ZNF275: variants seen among roughly 807,000 people sequenced by gnomAD.
The protein encoded by ZNF275 is zinc finger protein 275.
A neutral mutation model predicts 4.3 loss-of-function variants in ZNF275; 4 were observed. The ratio of observed to expected loss-of-function variants is 0.93; its 90% CI spans 0.46 to 2.13. The LOEUF is 2.13. Among genes scored for constraint, ZNF275 ranks in the 30% most tolerant of loss-of-function variants. The pLI is 0.02. For synonymous variants in ZNF275, 173 were observed against 166.9 expected, an observed-to-expected ratio of 1.04 and a Z score of -0.28; for missense variants, 352 against 397.1, an observed-to-expected ratio of 0.89 and a Z score of 0.97.
chrX:153,345,191 G>A lies in ZNF275; in HGVS notation c.32-329G>A, dbSNP rs782460361. The A allele has an allele frequency of 9.9e-4, 198 of 200,932 alleles. 1 individual carries two copies. Among genetic ancestry groups the A allele is most frequent in the African/African-American group, 5.3e-3 (183 of 34,359 alleles). The allele number at this position is 200,932 out of a possible 1,213,427, so 16.6% of individuals were successfully genotyped here. A position where few individuals can be genotyped will look rare whatever the true frequency, so the allele number is the denominator to read the frequency against. ...TTGGGAGTCAGATTTGGGAGCTGTCGAAGTCCACGTGTCTGGGAAGAGCAT... is the reference window on the plus strand; with the variant it reads ...TTGGGAGTCAGATTTGGGAGCTGTCAAAGTCCACGTGTCTGGGAAGAGCAT... On this transcript the variant is annotated intron_variant, in intron 2 of 3. Coordinates refer to ENST00000650114, the MANE Select transcript of ZNF275 (RefSeq NM_001367757.1).
rs146649739 is a variant in ZNF275 at position 153,338,023 on chromosome X, G to A, written c.31+1313G>A. On this transcript the variant is annotated intron_variant, in intron 2 of 3. Transcript: ENST00000650114. Reference sequence around the variant, plus strand: ...TGCATTACAATGATTTTCATGTTCTGTCTGGAATTCCTTCGACCTTGATTC... The same window carrying A: ...TGCATTACAATGATTTTCATGTTCTATCTGGAATTCCTTCGACCTTGATTC... 7.3e-3 allele frequency among the ~76,000 whole-genome samples: 816 copies of A among 111,228 alleles called. 10 individuals carry two copies. The highest frequency in any genetic ancestry group is 0.026 in the African/African-American group (787 of 30,501).
At chrX:153,343,705 G>A (rs782180672) in intron 2 of ZNF275, among the ~76,000 whole-genome samples, 2 of 111,117 alleles carry the variant, frequency 1.8e-5, no homozygotes, top group East Asian at 2.8e-4. Context: ...ATCTTCATCC[G>A]GTTTTTTGTT....
rs782422942 is a variant in ZNF275, at chrX:153,349,291, C to CTGACAT, written c.*1318_*1319insACATTG. ...GTACACACTCAGTGAAGGCCATCTG[C>CTGACAT]TGTCATTGTCATTGTCATAGTTATT... is the stretch of plus-strand genomic sequence containing the variant. On this transcript the variant is annotated 3_prime_UTR_variant, in exon 4 of 4. Transcript: ENST00000650114. 2.4e-5 allele frequency: 3 copies of CTGACAT among 124,163 alleles called. No homozygotes were observed. The Admixed American group carries it at 2.8e-4, about 12-fold the overall frequency. The allele number at this position is 124,163 out of a possible 1,213,427, so 10.2% of individuals were successfully genotyped here. A position where few individuals can be genotyped will look rare whatever the true frequency, so the allele number is the denominator to read the frequency against.
At chrX:153,335,080 C>T (rs2088436623) in intron 1 of ZNF275, among the ~76,000 whole-genome samples, 1 of 109,047 alleles carries the variant, frequency 9.2e-6, no homozygotes, top group African/African-American at 3.4e-5. Flanking sequence ...CTGGCTCCTC[C>T]AGTCTATATT....
chrX:153,350,833 G>A lies in ZNF275; in HGVS notation c.*2858G>A, dbSNP rs2088552039. 8.1e-6 allele frequency: 1 copy of A among 123,833 alleles called. No individual in the cohort carries two copies. Among genetic ancestry groups the A allele is most frequent in the Non-Finnish European group, 1.9e-5 (1 of 53,353 alleles). The allele number at this position is 123,833 out of a possible 1,213,427, so 10.2% of individuals were successfully genotyped here. A position where few individuals can be genotyped will look rare whatever the true frequency, so the allele number is the denominator to read the frequency against. ...TCTCGGATCCTTTTTCTCTTTTCGA[G>A]TTGTTAGGATGTGTTTTGTACAGCT... is the stretch of plus-strand genomic sequence containing the variant. On this transcript the variant is annotated 3_prime_UTR_variant, in exon 4 of 4. Transcript: ENST00000650114.
At chrX:153,335,717 G>A (rs1361286861) in intron 1 of ZNF275, among the ~76,000 whole-genome samples, 2 of 110,277 alleles carry the variant, frequency 1.8e-5, no homozygotes, top group African/African-American at 6.6e-5. Flanking sequence ...GATTCTGAGA[G>A]TTGGAGAATC....
In ZNF275 at chrX:153,346,841, C is replaced by T. The variant is rs375003509; in HGVS notation, c.156C>T (p.His52=). 6 of 1,199,889 alleles carry T rather than the reference C, an allele frequency of 5.0e-6. No homozygotes were observed. The highest frequency in any genetic ancestry group is 5.6e-6 in the Non-Finnish European group (5 of 889,400). Residue 52 remains histidine, a synonymous_variant, in exon 4 of 4, where the codon CAC becomes CAT. Coordinates refer to ENST00000650114, the MANE Select transcript of ZNF275 (RefSeq NM_001367757.1). ...CAGAAAGCACCTCCGCGACCCGACA[C>T]CAGATGAAGGGGGAAGATGCCCAGC... ...KYSESTSATR[H]QMKGEDAQPQ...
chrX:153,339,795 T>C (rs2088469772), intron 2 of ZNF275, among the ~76,000 whole-genome samples: 1 of 111,544 alleles, frequency 9.0e-6, no homozygotes, highest in Non-Finnish European at 1.9e-5. Context: ...CTATCGAGGA[T>C]TGAATGAAGG....
chrX:153,343,759 C>A (rs2088493991), intron 2 of ZNF275, among the ~76,000 whole-genome samples: 1 of 111,715 alleles, frequency 9.0e-6, no homozygotes, highest in East Asian at 2.8e-4. Context: ...CTGGTTATTT[C>A]TTCTGATGAT....
intron 2 of ZNF275, among the ~76,000 whole-genome samples, chrX:153,337,517 A>G (rs955101676): frequency 6.2e-5 from 7 of 112,566 alleles, no homozygotes; most frequent in African/African-American, 1.9e-4. Context: ...GTTTCCATGC[A>G]GTAAATTTGA....
intron 3 of ZNF275, 98 bp from the exon 4 acceptor site, chrX:153,346,721 C>A: frequency 1.1e-6 from 1 of 948,431 alleles, no homozygotes; most frequent in Non-Finnish European, 1.4e-6. Context: ...GCCCCGTGCT[C>A]AGTGGCTGTC....
At chrX:153,334,522 C>T (rs1361146868) in intron 1 of ZNF275, among the ~76,000 whole-genome samples, 1 of 110,729 alleles carries the variant, frequency 9.0e-6, no homozygotes, top group African/African-American at 3.3e-5. Context: ...CGGCCTTGGG[C>T]GGGCCAGAGC....
At chrX:153,345,490 G>GC in intron 2 of ZNF275, 30 bp from the exon 3 acceptor site, 1 of 1,146,325 alleles carries the variant, frequency 8.7e-7, no homozygotes, top group South Asian at 1.8e-5. Flanking sequence ...TCTGGCTGTT[G>GC]CCATAACCAA....
At chrX:153,338,487 C>A (rs143514826) in intron 2 of ZNF275, among the ~76,000 whole-genome samples, 485 of 110,806 alleles carry the variant, frequency 4.4e-3, no homozygotes, top group Non-Finnish European at 7.9e-3. Context: ...CAGGAAGGGG[C>A]ACTCCTGTTG....
chrX:153,343,402 G>A, intron 2 of ZNF275: 2 of 354,479 alleles, frequency 5.6e-6, no homozygotes, highest in South Asian at 5.0e-5. Flanking sequence ...GGCCTGTGAT[G>A]CACGGATGCC....
Position 153,351,385 on chromosome X carries a change from C to T in ZNF275, c.*3410C>T, listed in dbSNP as rs2088555310. 8.1e-6 allele frequency: 1 copy of T among 123,099 alleles called. No individual in the cohort carries two copies. The highest frequency in any genetic ancestry group is 3.3e-5 in the African/African-American group (1 of 30,727). 10.1% of individuals were successfully genotyped at this position (123,099 alleles called of 1,213,427 possible). ...GTCACCCAGCTTCCTGTCACATATC[C>T]TTGTCTGTGCATTCATGCATCTACC... is the stretch of plus-strand genomic sequence containing the variant. On this transcript the variant is annotated 3_prime_UTR_variant, in exon 4 of 4. Transcript: ENST00000650114.
chrX:153,343,606 T>C, intron 2 of ZNF275: 1 of 260,744 alleles, frequency 3.8e-6, no homozygotes. Context: ...TGTCTTGCTG[T>C]CACCGGGCTC....
In ZNF275 at chrX:153,351,227, G is replaced by C. The variant is rs1360732768; in HGVS notation, c.*3252G>C. On this transcript the variant is annotated 3_prime_UTR_variant, in exon 4 of 4. Transcript: ENST00000650114. ...GTTCATGGTGTTTGCGGTGAAACCC[G>C]TGTTCTCTTTCAATGCAGTCTGTGG... is the stretch of plus-strand genomic sequence containing the variant. The C allele has an allele frequency of 1.6e-5, 2 of 123,769 alleles. No individual in the cohort carries two copies. Among genetic ancestry groups the C allele is most frequent in the South Asian group, 7.4e-4 (2 of 2,702 alleles). The allele number at this position is 123,769 out of a possible 1,213,427, so 10.2% of individuals were successfully genotyped here.
chrX:153,344,576 C>T (rs1477272035), intron 2 of ZNF275: 8 of 364,739 alleles, frequency 2.2e-5, no homozygotes, highest in Non-Finnish European at 3.2e-5. Flanking sequence ...ACACCCACTC[C>T]AGACCCTCAC....
Sources: gnomAD v4.1 joint callset for allele counts (sites outside exome capture counted in the v4.1 genomes callset) on GRCh38, gnomAD v4.1.1 for gene constraint, MANE v1.5 for transcripts, NCBI Gene and HGNC (gene_info 2026-07-23, HGNC 2026-07-21) for gene names.